Variants in GNA12 observed in about 807,000 individuals in gnomAD.
GNA12 encodes the protein guanine nucleotide-binding protein subunit alpha-12.
In GNA12, 9 loss-of-function variants were observed where a neutral mutation model predicts 26.0. The observed-to-expected ratio is 0.35, with a 90% CI of 0.21 to 0.60. The LOEUF is 0.60. Among genes scored for constraint, GNA12 ranks in the 20% least tolerant of loss-of-function variants. GNA12 has a pLI of 0.78. For missense variants in GNA12, 405 were observed against 525.8 expected (o/e 0.77, Z 2.25); for synonymous variants, 264 against 219.6 (o/e 1.20, Z -1.79).
intron 2 of GNA12, among the ~76,000 whole-genome samples, chr7:2,735,948 A>C (rs1363714429): frequency 6.6e-6 from 1 of 152,162 alleles, no homozygotes; most frequent in Non-Finnish European, 1.5e-5. Context: ...GCTGTCACTC[A>C]CATCCGCACT....
intron 2 of GNA12, among the ~76,000 whole-genome samples, chr7:2,789,134 T>A (rs1236780121): frequency 2.7e-4 from 28 of 103,056 alleles, no homozygotes; most frequent in Non-Finnish European, 3.2e-4. Context: ...TCAGGCATCT[T>A]TTTTTTTTTT....
At chr7:2,789,529 C>A (rs1330079810) in intron 2 of GNA12, among the ~76,000 whole-genome samples, 1 of 152,230 alleles carries the variant, frequency 6.6e-6, no homozygotes. Flanking sequence ...TGGTGCCTCA[C>A]TACTCCCCAT....
chr7:2,763,906 G>A (rs1791692906), intron 2 of GNA12, among the ~76,000 whole-genome samples: 1 of 152,226 alleles, frequency 6.6e-6, no homozygotes, highest in Non-Finnish European at 1.5e-5. Context: ...CTGAGCTGTT[G>A]CTTTAGAGTC....
At chr7:2,797,326 T>G (rs1792701876) in intron 1 of GNA12, among the ~76,000 whole-genome samples, 1 of 152,268 alleles carries the variant, frequency 6.6e-6, no homozygotes, top group Admixed American at 6.5e-5. Flanking sequence ...AAGATTTTCG[T>G]AGAGTCAGGG....
intron 2 of GNA12, among the ~76,000 whole-genome samples, chr7:2,769,107 G>A (rs1350133438): frequency 6.6e-6 from 1 of 151,910 alleles, no homozygotes; most frequent in Non-Finnish European, 1.5e-5. Context: ...TTTCACCATG[G>A]TAGCCAGGCT....
chr7:2,842,837 T>C (rs893579902), intron 1 of GNA12, among the ~76,000 whole-genome samples: 1 of 152,230 alleles, frequency 6.6e-6, no homozygotes, highest in African/African-American at 2.4e-5. Context: ...ATATACATCC[T>C]AAAACGTTTC....
chr7:2,815,359 G>A (rs980227705), intron 1 of GNA12: 11 of 192,042 alleles, frequency 5.7e-5, no homozygotes, highest in African/African-American at 2.1e-4. Context: ...CTGGTGGAAG[G>A]AATCTCACGC....
At chr7:2,808,143 G>A (rs1387599667) in intron 1 of GNA12, among the ~76,000 whole-genome samples, 1 of 152,240 alleles carries the variant, frequency 6.6e-6, no homozygotes, top group Non-Finnish European at 1.5e-5. Flanking sequence ...TGCAATTACA[G>A]AGTTGGCCTC....
chr7:2,816,033 G>A (rs541023378), intron 1 of GNA12, among the ~76,000 whole-genome samples: 6 of 152,344 alleles, frequency 3.9e-5, no homozygotes, highest in African/African-American at 1.2e-4. Context: ...TACACATCCC[G>A]GAGAGACCCT....
chr7:2,796,879 T>C (rs1266141343), intron 1 of GNA12, among the ~76,000 whole-genome samples: 1 of 152,148 alleles, frequency 6.6e-6, no homozygotes, highest in Non-Finnish European at 1.5e-5. Context: ...TGTTCCACCA[T>C]CCTTAGACTA....
Position 2,728,750 on chromosome 7 carries a change from A to C in GNA12, c.*2431T>G, listed in dbSNP as rs1370356446. 1.3e-5 allele frequency: 2 copies of C among 152,468 alleles called. No homozygotes were observed. The highest frequency in any genetic ancestry group is 4.8e-5 in the African/African-American group (2 of 41,468). The allele number at this position is 152,468 out of a possible 1,614,324, so 9.4% of individuals were successfully genotyped here. A position where few individuals can be genotyped will look rare whatever the true frequency, so the allele number is the denominator to read the frequency against. ...GTAGCCAAGTTGTGAATGACAGTTT[A>C]GCCTTGCAGAGTTTCCTTCTTCTCC... On this transcript the variant is annotated 3_prime_UTR_variant, in exon 4 of 4. Coordinates refer to ENST00000275364, the MANE Select transcript of GNA12 (RefSeq NM_007353.3).
intron 1 of GNA12, among the ~76,000 whole-genome samples, chr7:2,815,419 G>C (rs1432374107): frequency 6.6e-6 from 1 of 152,190 alleles, no homozygotes; most frequent in Non-Finnish European, 1.5e-5. Context: ...AAACATGAGG[G>C]AGGCTGGAGC....
chr7:2,756,926 T>C (rs1281262403), intron 2 of GNA12, among the ~76,000 whole-genome samples: 2 of 151,936 alleles, frequency 1.3e-5, no homozygotes, highest in Non-Finnish European at 2.9e-5. Context: ...ATTTAAAAAG[T>C]AGCCGGGTGT....
chr7:2,739,425 C>T (rs911437597), intron 2 of GNA12, among the ~76,000 whole-genome samples: 7 of 152,114 alleles, frequency 4.6e-5, no homozygotes, highest in African/African-American at 1.7e-4. Context: ...GCGGCATTTC[C>T]GAGGCTCGCC....
At chr7:2,807,374 CTTGT>C (rs949091809) in intron 1 of GNA12, among the ~76,000 whole-genome samples, 7 of 152,276 alleles carry the variant, frequency 4.6e-5, no homozygotes, top group African/African-American at 1.7e-4. Flanking sequence ...TTTCTAGTCT[CTTGT>C]TTCCAGTAAG....
intron 2 of GNA12, among the ~76,000 whole-genome samples, chr7:2,737,505 T>G (rs1163430984): frequency 6.6e-6 from 1 of 152,032 alleles, no homozygotes; most frequent in Non-Finnish European, 1.5e-5. Context: ...ACCAGGCTGG[T>G]CTCGAACTCC....
At chr7:2,796,554 A>C (rs917414307) in intron 1 of GNA12, among the ~76,000 whole-genome samples, 2 of 152,192 alleles carry the variant, frequency 1.3e-5, no homozygotes, top group African/African-American at 4.8e-5. Flanking sequence ...AAAACATACA[A>C]ATCCAGGCAG....
chr7:2,733,304 G>T, intron 3 of GNA12, 147 bp downstream of exon 3: 1 of 686,764 alleles, frequency 1.5e-6, no homozygotes. Flanking sequence ...GTGAGAGCGT[G>T]CCATTACAGT....
rs554277511 is a variant in GNA12, at chr7:2,772,046, T to C, written c.525+22882A>G. The stretch of plus-strand genomic sequence containing the variant: ...CTGATGACGTCGACTGAGCATCTTT[T>C]CATGTGTTATTTGCTTCAGGAATCT... On this transcript the variant is annotated intron_variant, in intron 2 of 3. Coordinates refer to ENST00000275364, the MANE Select transcript of GNA12 (RefSeq NM_007353.3). 2.6e-4 allele frequency among the ~76,000 whole-genome samples: 40 copies of C among 152,360 alleles called. No homozygotes were observed. The South Asian group carries it at 7.9e-3, about 30-fold the overall frequency.
Sources: allele counts gnomAD v4.1 joint callset (sites outside exome capture counted in the v4.1 genomes callset), GRCh38; gene constraint gnomAD v4.1.1; transcripts MANE v1.5; gene names NCBI Gene and HGNC (gene_info 2026-07-23, HGNC 2026-07-21).